Variants in CAMSAP1 observed in about 807,000 individuals in gnomAD.
CAMSAP1 encodes calmodulin regulated spectrin associated protein 1.
CAMSAP1 carries 58 observed loss-of-function variants against 143.5 expected under a neutral mutation model. The observed-to-expected ratio is 0.40, with a 90% CI of 0.33 to 0.50. The LOEUF (loss-of-function observed/expected upper bound fraction) is 0.50. Ranked by LOEUF, CAMSAP1 falls within the 20% of genes least tolerant of loss-of-function variation. CAMSAP1 has a pLI of 0.45. For synonymous variants in CAMSAP1, 945 were observed against 859.3 expected, an observed-to-expected ratio of 1.10 and a Z score of -1.74; for missense variants, 1,969 against 2,115.7, an observed-to-expected ratio of 0.93 and a Z score of 1.36.
In CAMSAP1 at chr9:135,885,853, C is replaced by T. The variant is rs7030484; in HGVS notation, c.161-2775G>A. On this transcript the variant is annotated intron_variant, in intron 1 of 16. Transcript: ENST00000389532. ...GTGAAGCCCTCCTAACTGTATGTTACTCCTTTCCATCCGGCCTAAGGAAGA... is the reference window on the plus strand; with the variant it reads ...GTGAAGCCCTCCTAACTGTATGTTATTCCTTTCCATCCGGCCTAAGGAAGA... Among the ~76,000 whole-genome samples, 648 of 152,288 alleles carry T rather than the reference C, an allele frequency of 4.3e-3. 6 individuals carry two copies. Among genetic ancestry groups the T allele is most frequent in the African/African-American group, 0.015 (603 of 41,562 alleles).
intron 1 of CAMSAP1, among the ~76,000 whole-genome samples, chr9:135,886,617 G>A (rs1470884708): frequency 1.3e-5 from 2 of 152,206 alleles, no homozygotes; most frequent in Admixed American, 6.5e-5. Flanking sequence ...TCAGCAGAGC[G>A]AGACAGGCTT....
At chr9:135,857,858 C>T (rs559872460) in intron 5 of CAMSAP1, among the ~76,000 whole-genome samples, 1 of 152,308 alleles carries the variant, frequency 6.6e-6, no homozygotes, top group East Asian at 1.9e-4. Context: ...GAATTTTACA[C>T]AAAAGCCCTG....
intron 4 of CAMSAP1, 63 bp downstream of exon 4, chr9:135,866,393 T>G (rs1020431875): frequency 2.9e-5 from 24 of 823,948 alleles, no homozygotes; most frequent in Non-Finnish European, 4.3e-5. Context: ...ACTAACAGAA[T>G]TCTTTAAAAT....
rs971302061 is a variant in CAMSAP1, at chr9:135,827,541, C to T, written c.1089G>A (p.Pro363=). ...AACTGCGTTTGGTCGCGTTGGAGATCGGTACAGGAGGCCGGCTGCTCTTCT... is the reference window on the plus strand; with the variant it reads ...AACTGCGTTTGGTCGCGTTGGAGATTGGTACAGGAGGCCGGCTGCTCTTCT... The part of the protein sequence containing the change: ...LHQKSSRPPV[P]ISNATKRSFL... Residue 363 remains proline (P), a synonymous_variant, in exon 8 of 17, where the codon CCG becomes CCA. Transcript: ENST00000389532. The T allele has an allele frequency of 4.3e-6, 7 of 1,611,876 alleles. No homozygotes were observed. Among genetic ancestry groups the T allele is most frequent in the Admixed American group, 1.7e-5 (1 of 59,942 alleles).
chr9:135,878,518 G>A (rs1411525370), intron 3 of CAMSAP1, among the ~76,000 whole-genome samples: 1 of 152,212 alleles, frequency 6.6e-6, no homozygotes, highest in Admixed American at 6.5e-5. Context: ...AAGAATTGAT[G>A]CTGGAGAAAA....
chr9:135,863,881 A>G (rs1389835246), intron 4 of CAMSAP1, among the ~76,000 whole-genome samples: 1 of 152,170 alleles, frequency 6.6e-6, no homozygotes. Flanking sequence ...TGAGGGGGGA[A>G]CACAGGCATG....
At position 135,850,455 on chromosome 9, in the gene CAMSAP1, C is replaced by T; in HGVS notation, c.815G>A (p.Cys272Tyr). The T allele has an allele frequency of 6.4e-7, 1 of 1,574,286 alleles. No homozygotes were observed. The highest frequency in any genetic ancestry group is 8.6e-7 in the Non-Finnish European group (1 of 1,165,744). ...CPEQMKLDDI[C>Y]LKEVTSMADS... ...GGCCATCGACGTTACCTCCTTTAAG[C>T]ATATATCTAATAGACAAAAAGAAAA... The change falls in exon 6 of 17, where the codon TGC becomes TAC. Residue 272 changes from cysteine to tyrosine, a missense_variant. Cys to Tyr is a radical substitution (Grantham distance 194, BLOSUM62 -2). Transcript: ENST00000389532.
chr9:135,878,596 G>A (rs1837829303), intron 3 of CAMSAP1, among the ~76,000 whole-genome samples: 1 of 152,174 alleles, frequency 6.6e-6, no homozygotes, highest in East Asian at 1.9e-4. Flanking sequence ...TTCCAATGGG[G>A]AGAAACCCCA....
chr9:135,814,396 C>T (rs1835155371), intron 16 of CAMSAP1, among the ~76,000 whole-genome samples: 1 of 152,180 alleles, frequency 6.6e-6, no homozygotes, highest in Non-Finnish European at 1.5e-5. Context: ...GCCGTTGTAT[C>T]CCAAGGCCAG....
rs1156758599 is a variant in CAMSAP1, at chr9:135,827,584, G to A, written c.1046C>T (p.Ala349Val). 11 of 1,558,680 alleles carry A rather than the reference G, an allele frequency of 7.1e-6. No homozygotes were observed. The highest frequency in any genetic ancestry group is 5.4e-5 in the Admixed American group (3 of 55,234). ...GCTCTTCTGGTGTAACACTGTTTTCGCTGCAGAAATAGCGTTTTTGCATCG... is the reference window on the plus strand; with the variant it reads ...GCTCTTCTGGTGTAACACTGTTTTCACTGCAGAAATAGCGTTTTTGCATCG... ...QPRDVQELKD[A>V]KTVLHQKSSR... Residue 349 changes from alanine to valine, a missense_variant and splice_region_variant, in exon 8 of 17, where the codon GCG becomes GTG. Physicochemically the swap from Ala to Val is moderately conservative, Grantham distance 64. Transcript: ENST00000389532.
chr9:135,902,192 G>C lies in CAMSAP1; in HGVS notation c.160+4808C>G, dbSNP rs77842010. On this transcript the variant is annotated intron_variant, in intron 1 of 16. Coordinates refer to ENST00000389532, the MANE Select transcript of CAMSAP1 (RefSeq NM_015447.4). ...AACAGGTGCTCAGGAAGCATTTGAA[G>C]ATGCTCTGTAACCCCCATGTCAGAA... Among the ~76,000 whole-genome samples, 791 of 152,348 alleles carry C rather than the reference G, an allele frequency of 5.2e-3. 2 individuals are homozygous for C. The highest frequency in any genetic ancestry group is 0.017 in the Middle Eastern group (5 of 294).
At position 135,820,124 on chromosome 9, in the gene CAMSAP1, C is replaced by T. The variant is rs1029744004; in HGVS notation, c.3822+715G>A. On this transcript the variant is annotated intron_variant, in intron 11 of 16. Coordinates refer to ENST00000389532, the MANE Select transcript of CAMSAP1 (RefSeq NM_015447.4). This position sits in a 1 kb window ranked among gnomAD's most constrained non-coding sequence, Gnocchi z 4.4. ...GGATGGCAGCGCCCCCCACAGGCCTCGGCTACATCAGCCACTGCTCCTAGA... is the reference window on the plus strand; with the variant it reads ...GGATGGCAGCGCCCCCCACAGGCCTTGGCTACATCAGCCACTGCTCCTAGA... Among the ~76,000 whole-genome samples the T allele has an allele frequency of 5.3e-5, 8 of 152,124 alleles. No individual in the cohort carries two copies. The highest frequency in any genetic ancestry group is 1.7e-4 in the African/African-American group (7 of 41,406).
chr9:135,829,457 C>T (rs1316841053), intron 7 of CAMSAP1, among the ~76,000 whole-genome samples: 1 of 152,050 alleles, frequency 6.6e-6, no homozygotes, highest in Non-Finnish European at 1.5e-5. Context: ...TCTGAGGCTG[C>T]AGTGAGCAAT....
intron 7 of CAMSAP1, chr9:135,836,065 T>C (rs538509040): frequency 1.0e-6 from 1 of 971,294 alleles, no homozygotes; most frequent in Non-Finnish European, 1.2e-6. Context: ...GAGCTTCTCT[T>C]ATCCGACCAG....
Position 135,907,123 on chromosome 9 carries a change from A to G in CAMSAP1, c.37T>C (p.Trp13Arg), listed in dbSNP as rs1838809256. 2 of 1,121,220 alleles carry G rather than the reference A, an allele frequency of 1.8e-6. No individual in the cohort carries two copies. The highest frequency in any genetic ancestry group is 2.2e-6 in the Non-Finnish European group (2 of 914,112). 69.5% of individuals were successfully genotyped at this position (1,121,220 alleles called of 1,614,324 possible). The change falls in exon 1 of 17, where the codon TGG becomes CGG. Residue 13 changes from tryptophan to arginine, a missense_variant. By Grantham distance (101) the Trp-to-Arg change is moderately radical. This residue lies in a region of CAMSAP1 where 215 missense variants were observed against 196.2 expected (regional missense o/e 1.10). Transcript: ENST00000389532. ...DASGRAAAEGWRKMEAPPDGA... is the reference protein window; with the variant it reads ...DASGRAAAEGRRKMEAPPDGA... ...TCCGGCGGGGCCTCCATCTTCCTCC[A>G]GCCCTCGGCGGCGGCGCGGCCGCTC...
intron 1 of CAMSAP1, among the ~76,000 whole-genome samples, chr9:135,904,666 C>T (rs1036773776): frequency 8.6e-5 from 13 of 151,616 alleles, no homozygotes; most frequent in Admixed American, 2.6e-4. Flanking sequence ...AGCCCTCTCT[C>T]GGCAAAAAGA....
rs564176198 is a variant in CAMSAP1 at position 135,866,254 on chromosome 9, C to T, written c.666+202G>A. ...TAAAGTGCAATACAAAACACCCCTT[C>T]CCAGGAGAGGCGGGGCAGGCTGCCG... On this transcript the variant is annotated intron_variant, in intron 4 of 16. Coordinates refer to ENST00000389532, the MANE Select transcript of CAMSAP1 (RefSeq NM_015447.4). 931 of 541,770 alleles carry T rather than the reference C, an allele frequency of 1.7e-3. 5 individuals are homozygous for T. The highest frequency in any genetic ancestry group is 0.016 in the African/African-American group (824 of 52,856). The allele number at this position is 541,770 out of a possible 1,614,324, so 33.6% of individuals were successfully genotyped here.
intron 7 of CAMSAP1, among the ~76,000 whole-genome samples, chr9:135,829,888 T>A (rs1356710342): frequency 1.3e-5 from 2 of 149,916 alleles, no homozygotes; most frequent in Non-Finnish European, 3.0e-5. Context: ...AATAAATAAA[T>A]AACAATAAGT....
rs1381258332 is a variant in CAMSAP1, at chr9:135,860,055, AT to A, written c.808+2411del. Among the ~76,000 whole-genome samples, 777 of 148,068 alleles carry A rather than the reference AT, an allele frequency of 5.2e-3. 11 individuals are homozygous for A. Among genetic ancestry groups the A allele is most frequent in the African/African-American group, 0.019 (737 of 38,304 alleles). ...CCCTATCTCCACAAAAAAAAAAAAA[AT>A]AAAAAAATACAAAAGTTAGCCAGGC... On this transcript the variant is annotated intron_variant, in intron 5 of 16. Coordinates refer to ENST00000389532, the MANE Select transcript of CAMSAP1 (RefSeq NM_015447.4).
Sources: allele counts gnomAD v4.1 joint callset (sites outside exome capture counted in the v4.1 genomes callset), GRCh38; gene constraint gnomAD v4.1.1; regional missense constraint gnomAD v4.1.1; non-coding constraint Gnocchi (gnomAD v3.1); transcripts MANE v1.5; gene names NCBI Gene and HGNC (gene_info 2026-07-23, HGNC 2026-07-21).